WIF1: variants seen among roughly 807,000 people sequenced by gnomAD.
WIF1 encodes Wnt inhibitory factor 1.
Under a neutral mutation model 53.5 loss-of-function variants are expected in WIF1, and 35 were observed. That is an observed-to-expected ratio of 0.65 (90% CI 0.50 to 0.87). The LOEUF (loss-of-function observed/expected upper bound fraction) is 0.87. WIF1 is among the 40% of genes least tolerant of loss of function. The pLI is 0.00. For missense variants in WIF1, 467 were observed against 476.8 expected, an observed-to-expected ratio of 0.98 and a Z score of 0.19; for synonymous variants, 171 against 170.4, an observed-to-expected ratio of 1.00 and a Z score of -0.03.
intron 3 of WIF1, among the ~76,000 whole-genome samples, chr12:65,074,587 G>A (rs1466105010): frequency 6.6e-6 from 1 of 151,856 alleles, no homozygotes; most frequent in African/African-American, 2.4e-5. Flanking sequence ...GGAGGCCGAG[G>A]CAGGCAGATC....
Position 65,051,289 on chromosome 12 carries a change from A to T in WIF1, c.*60T>A, listed in dbSNP as rs1882436039. ...TGAACATTATTTGAACATTCAACAC[A>T]TGAAAGGTTAACAAAGGCTATGAAC... On this transcript the variant is annotated 3_prime_UTR_variant, in exon 10 of 10. Coordinates refer to ENST00000286574, the MANE Select transcript of WIF1 (RefSeq NM_007191.5). 6.4e-7 allele frequency: 1 copy of T among 1,564,146 alleles called. No homozygotes were observed. The highest frequency in any genetic ancestry group is 1.9e-5 in the Admixed American group (1 of 52,622).
chr12:65,058,315 G>C (rs563259201), intron 7 of WIF1, among the ~76,000 whole-genome samples: 1 of 152,174 alleles, frequency 6.6e-6, no homozygotes, highest in Middle Eastern at 3.2e-3. Flanking sequence ...TGGCAGAAAA[G>C]ACAGCGTACT....
chr12:65,083,643 CAG>C lies in WIF1; in HGVS notation c.289-5791_289-5790del, dbSNP rs1018209792. ...CCATTCACATCCTTCTTCCAAAGCACAGACTCTTCTTGCCATCTGCGTCATGC... is the reference window on the plus strand; with the variant it reads ...CCATTCACATCCTTCTTCCAAAGCACACTCTTCTTGCCATCTGCGTCATGC... On this transcript the variant is annotated intron_variant, in intron 2 of 9. Coordinates refer to ENST00000286574, the MANE Select transcript of WIF1 (RefSeq NM_007191.5). Among the ~76,000 whole-genome samples the C allele has an allele frequency of 3.9e-5, 6 of 152,180 alleles. No homozygotes were observed. In the South Asian group the frequency reaches 6.2e-4, roughly 16 times the overall value.
At chr12:65,120,393 A>G in intron 2 of WIF1, 24 bp downstream of exon 2, 1 of 1,609,196 alleles carries the variant, frequency 6.2e-7, no homozygotes. Context: ...GGAAATATTA[A>G]AGGGTAATTT....
intron 6 of WIF1, among the ~76,000 whole-genome samples, chr12:65,065,257 GA>G (rs2136613821): frequency 6.6e-6 from 1 of 152,212 alleles, no homozygotes; most frequent in African/African-American, 2.4e-5. Flanking sequence ...TCTAGAGATA[GA>G]AAAAGCATGG....
At chr12:65,056,640 T>C (rs1419133701) in intron 7 of WIF1, among the ~76,000 whole-genome samples, 1 of 151,874 alleles carries the variant, frequency 6.6e-6, no homozygotes, top group East Asian at 1.9e-4. Flanking sequence ...TTTCACTGGG[T>C]ATTGATTTTT....
intron 3 of WIF1, among the ~76,000 whole-genome samples, chr12:65,075,526 T>G (rs1300487080): frequency 6.6e-6 from 1 of 152,186 alleles, no homozygotes; most frequent in Non-Finnish European, 1.5e-5. Flanking sequence ...ACACACCCTA[T>G]GTATAGAAAA....
At chr12:65,100,132 T>A (rs1240211548) in intron 2 of WIF1, among the ~76,000 whole-genome samples, 1 of 152,216 alleles carries the variant, frequency 6.6e-6, no homozygotes, top group Non-Finnish European at 1.5e-5. Flanking sequence ...GCTTCCTTAT[T>A]ATGTTCAAAA....
chr12:65,076,288 C>A (rs1048051930), intron 3 of WIF1, among the ~76,000 whole-genome samples: 34 of 152,100 alleles, frequency 2.2e-4, no homozygotes, highest in African/African-American at 8.2e-4. Context: ...CCTCCCCCCT[C>A]GGCCCCCCAA....
intron 2 of WIF1, among the ~76,000 whole-genome samples, chr12:65,112,881 GCT>G (rs1055783831): frequency 1.3e-5 from 2 of 152,212 alleles, no homozygotes; most frequent in Non-Finnish European, 2.9e-5. Flanking sequence ...TGCTCAGTGA[GCT>G]CAGTGAAGTA....
At chr12:65,093,357 C>T (rs920597525) in intron 2 of WIF1, among the ~76,000 whole-genome samples, 42 of 152,096 alleles carry the variant, frequency 2.8e-4, no homozygotes, top group Admixed American at 2.6e-3. Context: ...TAACGTTAGC[C>T]AAACTCATAG....
intron 3 of WIF1, among the ~76,000 whole-genome samples, chr12:65,071,945 C>A (rs117063406): frequency 6.6e-6 from 1 of 152,102 alleles, no homozygotes; most frequent in African/African-American, 2.4e-5. Flanking sequence ...CATACCATTA[C>A]ACTTTCCCAC....
At chr12:65,109,462 T>C (rs1369105131) in intron 2 of WIF1, among the ~76,000 whole-genome samples, 6 of 152,196 alleles carry the variant, frequency 3.9e-5, no homozygotes, top group African/African-American at 1.4e-4. Context: ...CAGCTCCCAC[T>C]TGCCCCTTTG....
chr12:65,065,973 C>T (rs1405769090), intron 6 of WIF1, among the ~76,000 whole-genome samples: 1 of 151,926 alleles, frequency 6.6e-6, no homozygotes, highest in Non-Finnish European at 1.5e-5. Flanking sequence ...AGTATTGAAT[C>T]GGGAGTCAGT....
intron 2 of WIF1, among the ~76,000 whole-genome samples, chr12:65,104,777 T>C (rs1242301894): frequency 6.6e-6 from 1 of 152,208 alleles, no homozygotes; most frequent in East Asian, 1.9e-4. Flanking sequence ...GGCAAAAATA[T>C]GATTTTAACA....
chr12:65,096,948 G>A (rs1283226378), intron 2 of WIF1, among the ~76,000 whole-genome samples: 1 of 151,286 alleles, frequency 6.6e-6, no homozygotes, highest in African/African-American at 2.4e-5. Flanking sequence ...GTTGATAGGT[G>A]CAGCAAACCA....
rs185266272 is a variant in WIF1, at chr12:65,112,792, A to T, written c.288+7625T>A. Among the ~76,000 whole-genome samples the T allele has an allele frequency of 2.6e-3, 394 of 152,304 alleles. 2 individuals carry two copies. The highest frequency in any genetic ancestry group is 9.1e-3 in the African/African-American group (380 of 41,562). ...CTCTAAGACCTCCAAGCATTAGGAC[A>T]TCCTGAGCTCTTCCCTGGGAAGGCA... On this transcript the variant is annotated intron_variant, in intron 2 of 9. Transcript: ENST00000286574.
intron 3 of WIF1, among the ~76,000 whole-genome samples, chr12:65,076,880 G>A (rs948415916): frequency 6.7e-6 from 1 of 150,060 alleles, no homozygotes; most frequent in African/African-American, 2.5e-5. Context: ...AAATGGTTAT[G>A]TTAAAAGGTT....
intron 8 of WIF1, among the ~76,000 whole-genome samples, chr12:65,055,646 G>A (rs967634019): frequency 6.6e-6 from 1 of 152,184 alleles, no homozygotes; most frequent in African/African-American, 2.4e-5. Flanking sequence ...GCAGTGGCAG[G>A]TGCCTATAGT....
Sources: allele counts gnomAD v4.1 joint callset (sites outside exome capture counted in the v4.1 genomes callset), GRCh38; gene constraint gnomAD v4.1.1; transcripts MANE v1.5; gene names NCBI Gene and HGNC (gene_info 2026-07-23, HGNC 2026-07-21).